Variants in CD1A observed in about 807,000 individuals in gnomAD.
CD1A encodes CD1a molecule.
CD1A carries 50 observed loss-of-function variants against 38.3 expected under a neutral mutation model. That is an observed-to-expected ratio of 1.30 (90% confidence interval 1.04 to 1.65). The LOEUF is 1.65. CD1A is among the 40% of genes most tolerant of loss of function. The pLI, the probability that CD1A is intolerant of heterozygous loss-of-function variation, is 0.00. For missense variants in CD1A, 459 were observed against 406.1 expected (o/e 1.13, Z -1.12); for synonymous variants, 160 against 150.8 (o/e 1.06, Z -0.45).
upstream of CD1A, among the ~76,000 whole-genome samples, chr1:158,251,028 T>C (rs181020915): frequency 6.6e-6 from 1 of 152,370 alleles, no homozygotes; most frequent in Admixed American, 6.5e-5. Context: ...TAACTATGAA[T>C]AGCCTACTAT....
rs754128827 is a variant in CD1A, at chr1:158,256,267, C to T, written c.589C>T (p.His197Tyr). The change falls in exon 3 of 6, where the codon CAT becomes TAT. Residue 197 changes from histidine (H) to tyrosine (Y), a missense_variant. Transcript: ENST00000289429. ...ILGLLDAGKA[H>Y]LQRQVKPEAW... Reference sequence around the variant, plus strand: ...GGGTCTTCTTGATGCAGGAAAGGCACATCTCCAGCGGCAAGGTCAGTCCTG... The same window carrying T: ...GGGTCTTCTTGATGCAGGAAAGGCATATCTCCAGCGGCAAGGTCAGTCCTG... 3 of 1,613,772 alleles carry T rather than the reference C, an allele frequency of 1.9e-6. No individual in the cohort carries two copies. Among genetic ancestry groups the T allele is most frequent in the Non-Finnish European group, 1.7e-6 (2 of 1,179,936 alleles).
At chr1:158,248,529 A>G in the CD1A span, 1 of 432,494 alleles carries the variant, frequency 2.3e-6, no homozygotes, top group Non-Finnish European at 3.1e-6. Context: ...TGCCTAGGAT[A>G]GCTGGGACAC....
chr1:158,257,337 G>A, intron 4 of CD1A, 84 bp from the exon 5 acceptor site: 1 of 1,092,246 alleles, frequency 9.2e-7, no homozygotes, highest in Non-Finnish European at 1.4e-6. Flanking sequence ...AAAAAAAGAA[G>A]CCCAGGGAAT....
intron 1 of CD1A, 140 bp downstream of exon 1, chr1:158,254,867 C>T: frequency 1.1e-6 from 1 of 871,736 alleles, no homozygotes; most frequent in Non-Finnish European, 1.9e-6. Context: ...AGTGAGAGTG[C>T]CAGGCTGGTT....
At chr1:158,249,988 G>A (rs1202792527), upstream of CD1A, among the ~76,000 whole-genome samples, 1 of 152,224 alleles carries the variant, frequency 6.6e-6, no homozygotes, top group Non-Finnish European at 1.5e-5. Flanking sequence ...GGGTGGGAAA[G>A]CATGTCGTCC....
At chr1:158,250,679 T>C (rs3181031), upstream of CD1A, among the ~76,000 whole-genome samples, 11,605 of 152,254 alleles carry the variant, frequency 0.076, 811 homozygotes, top group East Asian at 0.38. Flanking sequence ...TTCCTATCTC[T>C]CTCACCTTTT....
At chr1:158,250,502 G>A (rs1334548647), upstream of CD1A, among the ~76,000 whole-genome samples, 1 of 152,162 alleles carries the variant, frequency 6.6e-6, no homozygotes, top group African/African-American at 2.4e-5. Flanking sequence ...TTTGGGGGAT[G>A]ATCCTGACTT....
chr1:158,249,431 G>T (rs1484952005), upstream of CD1A, among the ~76,000 whole-genome samples: 1 of 152,084 alleles, frequency 6.6e-6, no homozygotes, highest in Non-Finnish European at 1.5e-5. Flanking sequence ...AGGGGTCAGG[G>T]GTCTCTCTTG....
Position 158,256,083 on chromosome 1 carries a change from T to C in CD1A, c.405T>C (p.Tyr135=). 6.2e-7 allele frequency: 1 copy of C among 1,614,194 alleles called. No individual in the cohort carries two copies. Among genetic ancestry groups the C allele is most frequent in the Non-Finnish European group, 8.5e-7 (1 of 1,180,010 alleles). The stretch of plus-strand genomic sequence containing the variant: ...CAGGAAGCTTCTTGCAGTTAGCTTA[T>C]CAAGGATCAGACTTTGTGAGCTTCC... The part of the protein sequence containing the change: ...KVSGSFLQLA[Y]QGSDFVSFQN... The change falls in exon 3 of 6, where the codon TAT becomes TAC. Residue 135 remains tyrosine (Y), a synonymous_variant. Transcript: ENST00000289429.
Position 158,254,714 on chromosome 1 carries a change from T to C in CD1A, c.45T>C (p.Asp15=), listed in dbSNP as rs1650181738. 1 of 1,613,230 alleles carries C rather than the reference T, an allele frequency of 6.2e-7. No homozygotes were observed. The highest frequency in any genetic ancestry group is 8.5e-7 in the Non-Finnish European group (1 of 1,179,404). Reference sequence around the variant, plus strand: ...CATTGTTAGCTGTTCTCCCAGGTGATGGCAATGCAGACGGTAAGAACTCTG... The same window carrying C: ...CATTGTTAGCTGTTCTCCCAGGTGACGGCAATGCAGACGGTAAGAACTCTG... ...LLPLLAVLPG[D]GNADGLKEPL... is the part of the protein sequence containing the mutation. Residue 15 remains aspartate, a synonymous_variant, in exon 1 of 6, where the codon GAT becomes GAC. Coordinates refer to ENST00000289429, the MANE Select transcript of CD1A (RefSeq NM_001763.3).
In CD1A at chr1:158,254,726, C is replaced by G. The variant is rs144185153; in HGVS notation, c.57C>G (p.Asp19Glu). 1.2e-6 allele frequency: 2 copies of G among 1,609,092 alleles called. No individual in the cohort carries two copies. Among genetic ancestry groups the G allele is most frequent in the Non-Finnish European group, 1.7e-6 (2 of 1,175,990 alleles). The change falls in exon 1 of 6, where the codon GAC (aspartate) becomes GAG (glutamate). Residue 19 changes from aspartate to glutamate, a missense_variant and splice_region_variant. Coordinates refer to ENST00000289429, the MANE Select transcript of CD1A (RefSeq NM_001763.3). ...TTCTCCCAGGTGATGGCAATGCAGA[C>G]GGTAAGAACTCTGACAACTGCCCAG... The part of the protein sequence containing the change: ...LAVLPGDGNA[D>E]GLKEPLSFHV...
intron 4 of CD1A, among the ~76,000 whole-genome samples, 174 bp downstream of exon 4, chr1:158,257,238 GC>G (rs903710057): frequency 6.6e-6 from 1 of 152,172 alleles, no homozygotes; most frequent in Non-Finnish European, 1.5e-5. Context: ...GCAGGAGGAT[GC>G]TGAGGGTTAA....
chr1:158,257,019 G>A lies in CD1A; in HGVS notation c.838G>A (p.Val280Met), dbSNP rs774767602. 2 of 1,613,978 alleles carry A rather than the reference G, an allele frequency of 1.2e-6. No individual in the cohort carries two copies. The highest frequency in any genetic ancestry group is 2.2e-5 in the East Asian group (1 of 44,882). The change falls in exon 4 of 6, where the codon GTG (valine) becomes ATG (methionine). Residue 280 changes from valine to methionine, a missense_variant. Transcript: ENST00000289429. ...GGAGGCAGCTGACCTGTCCTGTCGGGTGAAGCACAGCAGTCTAGAGGGCCA... is the reference window on the plus strand; with the variant it reads ...GGAGGCAGCTGACCTGTCCTGTCGGATGAAGCACAGCAGTCTAGAGGGCCA... ...AGEAADLSCR[V>M]KHSSLEGQDI... is the part of the protein sequence containing the mutation.
At position 158,258,008 on chromosome 1, in the gene CD1A, A is replaced by C; in HGVS notation, c.*318A>C. 1 of 284,638 alleles carries C rather than the reference A, an allele frequency of 3.5e-6. No individual in the cohort carries two copies. The allele number at this position is 284,638 out of a possible 1,614,324, so 17.6% of individuals were successfully genotyped here. On this transcript the variant is annotated 3_prime_UTR_variant, in exon 6 of 6. Transcript: ENST00000289429. ...ATCAGGCCTGTTTTAGATATCCCTTACTCCAGAGGGCCTTCCCTGACTTAC... is the reference window on the plus strand; with the variant it reads ...ATCAGGCCTGTTTTAGATATCCCTTCCTCCAGAGGGCCTTCCCTGACTTAC...
upstream of CD1A, among the ~76,000 whole-genome samples, chr1:158,252,030 C>T (rs1471764465): frequency 1.3e-5 from 2 of 151,984 alleles, no homozygotes; most frequent in East Asian, 1.9e-4. Context: ...GGGGTTGCAC[C>T]ATGTTGGCCA....
upstream of CD1A, among the ~76,000 whole-genome samples, chr1:158,250,725 T>C (rs1477109095): frequency 6.6e-6 from 1 of 152,208 alleles, no homozygotes; most frequent in Non-Finnish European, 1.5e-5. Context: ...GGGAAACATT[T>C]GTGTGTGTAT....
rs1452281402 is a variant in CD1A, at chr1:158,255,093, A to C, written c.68A>C (p.Glu23Ala). ...TGTTCTTTTGTCGCAGGGCTCAAGGAGCCTCTCTCCTTCCATGTCACCTGG... is the reference window on the plus strand; with the variant it reads ...TGTTCTTTTGTCGCAGGGCTCAAGGCGCCTCTCTCCTTCCATGTCACCTGG... ...PGDGNADGLKEPLSFHVTWIA... is the reference protein window; with the variant it reads ...PGDGNADGLKAPLSFHVTWIA... Residue 23 changes from glutamate to alanine, a missense_variant, in exon 2 of 6, where the codon GAG (glutamate) becomes GCG (alanine). Transcript: ENST00000289429. The C allele has an allele frequency of 6.2e-7, 1 of 1,613,852 alleles. No individual in the cohort carries two copies. The highest frequency in any genetic ancestry group is 2.2e-5 in the East Asian group (1 of 44,856).
intron 3 of CD1A, 124 bp from the exon 4 acceptor site, chr1:158,256,662 T>C (rs2101633506): frequency 1.8e-6 from 2 of 1,109,670 alleles, no homozygotes; most frequent in Non-Finnish European, 2.5e-6. Flanking sequence ...AGTGACAGAG[T>C]GAGACCCTGT....
In CD1A at chr1:158,255,125, TC is replaced by T. The variant is rs1322726709; in HGVS notation, c.102del (p.Tyr36ThrfsTer14). On this transcript the variant is annotated frameshift_variant, in exon 2 of 6. Transcript: ENST00000289429. LOFTEE classifies it high-confidence loss of function. ...PLSFHVTWIA[S>X]FYNHSWKQNL... ...CTCCTTCCATGTCACCTGGATCGCA[TC>T]CTTTTACAACCATTCCTGGAAACAA... is the stretch of plus-strand genomic sequence containing the variant. The T allele has an allele frequency of 1.2e-6, 2 of 1,614,120 alleles. No homozygotes were observed. Among genetic ancestry groups the T allele is most frequent in the Non-Finnish European group, 1.7e-6 (2 of 1,180,020 alleles).
Sources: gnomAD v4.1 joint callset for allele counts (sites outside exome capture counted in the v4.1 genomes callset) on GRCh38, gnomAD v4.1.1 for gene constraint, MANE v1.5 for transcripts, NCBI Gene and HGNC (gene_info 2026-07-23, HGNC 2026-07-21) for gene names.